ZSWIM6: variants seen among roughly 807,000 people sequenced by gnomAD.
The protein encoded by ZSWIM6 is zinc finger SWIM domain-containing protein 6.
A neutral mutation model predicts 113.2 loss-of-function variants in ZSWIM6; 9 were observed. The observed-to-expected ratio is 0.08, with a 90% CI of 0.05 to 0.14. ZSWIM6 has a LOEUF of 0.14. Among genes scored for constraint, ZSWIM6 ranks in the 10% least tolerant of loss-of-function variants. The pLI, the probability that ZSWIM6 is intolerant of heterozygous loss-of-function variation, is 1.00. For missense variants in ZSWIM6, 1,162 were observed against 1,552.2 expected, an observed-to-expected ratio of 0.75 and a Z score of 4.22; for synonymous variants, 611 against 606.5, an observed-to-expected ratio of 1.01 and a Z score of -0.11.
chr5:61,407,203 A>G (rs1746061729), intron 1 of ZSWIM6, among the ~76,000 whole-genome samples: 3 of 152,356 alleles, frequency 2.0e-5, no homozygotes, highest in East Asian at 1.9e-4. Flanking sequence ...TTACATAAGA[A>G]AAATTATTGA....
At chr5:61,461,731 A>C (rs1239273926) in intron 1 of ZSWIM6, among the ~76,000 whole-genome samples, 1 of 152,162 alleles carries the variant, frequency 6.6e-6, no homozygotes, top group Non-Finnish European at 1.5e-5. Context: ...GAACAGTGAA[A>C]GCAGTTTTTT....
intron 1 of ZSWIM6, among the ~76,000 whole-genome samples, chr5:61,368,962 T>C (rs1745212972): frequency 6.6e-6 from 1 of 152,234 alleles, no homozygotes; most frequent in Admixed American, 6.5e-5. Context: ...AAGGCTTCTT[T>C]GAATATGAAG....
chr5:61,394,318 A>G (rs954108526), intron 1 of ZSWIM6, among the ~76,000 whole-genome samples: 10 of 152,288 alleles, frequency 6.6e-5, no homozygotes, highest in African/African-American at 2.2e-4. Flanking sequence ...GTCTCTGGGC[A>G]TGTGCCCTGG....
At chr5:61,382,938 A>T (rs1467301563) in intron 1 of ZSWIM6, among the ~76,000 whole-genome samples, 1 of 152,252 alleles carries the variant, frequency 6.6e-6, no homozygotes, top group Non-Finnish European at 1.5e-5. Context: ...AAGTCAGAGA[A>T]CATAGGATGC....
intron 1 of ZSWIM6, among the ~76,000 whole-genome samples, chr5:61,406,569 G>A (rs1746047263): frequency 6.6e-6 from 1 of 152,044 alleles, no homozygotes. Context: ...ATTTTATGAA[G>A]TCTCTGAAGA....
intron 1 of ZSWIM6, among the ~76,000 whole-genome samples, chr5:61,348,469 C>T (rs1744713742): frequency 6.6e-6 from 1 of 152,010 alleles, no homozygotes; most frequent in African/African-American, 2.4e-5. Context: ...AGATTTTCCC[C>T]CTTCATACTT....
intron 1 of ZSWIM6, 61 bp downstream of exon 1, chr5:61,333,009 G>GGGGCC: frequency 9.1e-6 from 4 of 439,842 alleles, no homozygotes; most frequent in Non-Finnish European, 1.3e-5. Flanking sequence ...TGGGGGGGGG[G>GGGGCC]TGCCCGCCTT....
chr5:61,520,719 G>A (rs1749093158), intron 4 of ZSWIM6, among the ~76,000 whole-genome samples: 3 of 151,974 alleles, frequency 2.0e-5, no homozygotes, highest in Admixed American at 1.3e-4. Context: ...GAAATTATAA[G>A]GAGAACAGGA....
At chr5:61,519,352 G>T (rs1401128741) in intron 4 of ZSWIM6, among the ~76,000 whole-genome samples, 1 of 152,078 alleles carries the variant, frequency 6.6e-6, no homozygotes, top group Non-Finnish European at 1.5e-5. Flanking sequence ...AGCTCAATAA[G>T]CGTTCTCAAG....
At chr5:61,488,840 T>G (rs1256994174) in intron 2 of ZSWIM6, among the ~76,000 whole-genome samples, 1 of 151,874 alleles carries the variant, frequency 6.6e-6, no homozygotes, top group Non-Finnish European at 1.5e-5. Flanking sequence ...GCATGGAGAG[T>G]CTCCACATTC....
intron 1 of ZSWIM6, among the ~76,000 whole-genome samples, chr5:61,355,901 T>G (rs937639436): frequency 3.9e-5 from 6 of 152,234 alleles, no homozygotes; most frequent in African/African-American, 1.4e-4. Flanking sequence ...ACTAGGAAAT[T>G]TAAAATTACA....
intron 4 of ZSWIM6, among the ~76,000 whole-genome samples, chr5:61,519,624 T>G (rs1378150600): frequency 6.6e-6 from 1 of 152,156 alleles, no homozygotes; most frequent in Non-Finnish European, 1.5e-5. Context: ...CTAGCCATGT[T>G]GTGTTTTTAA....
At chr5:61,519,175 G>A (rs1027482533) in intron 4 of ZSWIM6, among the ~76,000 whole-genome samples, 1 of 152,102 alleles carries the variant, frequency 6.6e-6, no homozygotes, top group African/African-American at 2.4e-5. Context: ...CCCTCCATTG[G>A]GTGATAGTTC....
At chr5:61,381,617 CAT>C (rs1364322974) in intron 1 of ZSWIM6, among the ~76,000 whole-genome samples, 1 of 152,168 alleles carries the variant, frequency 6.6e-6, no homozygotes, top group African/African-American at 2.4e-5. Context: ...TGTTCTGTGA[CAT>C]GTGGCTACTT....
chr5:61,337,279 C>T (rs1744421170), intron 1 of ZSWIM6, among the ~76,000 whole-genome samples: 1 of 147,514 alleles, frequency 6.8e-6, no homozygotes, highest in Non-Finnish European at 1.5e-5. Context: ...ATTCCGTCTC[C>T]CCCCCCAAAA....
chr5:61,494,353 T>A lies in ZSWIM6; in HGVS notation c.1276T>A (p.Trp426Arg), dbSNP rs767463992. Residue 426 changes from tryptophan to arginine, a missense_variant, in exon 4 of 14, where the codon TGG (tryptophan) becomes AGG (arginine). Physicochemically the swap from Trp to Arg is moderately radical, Grantham distance 101 (BLOSUM62 -3). Transcript: ENST00000252744. ...CATGGCTGACCCTCGCCTGTCACTT[T>A]GGCGGCAACAAGGCACTGCAATGAC... The part of the protein sequence containing the change: ...QFMADPRLSL[W>R]RQQGTAMTDK... 14 of 1,551,054 alleles carry A rather than the reference T, an allele frequency of 9.0e-6. No homozygotes were observed. The South Asian group carries it at 1.7e-4, about 18-fold the overall frequency.
At chr5:61,421,723 A>G (rs1446191688) in intron 1 of ZSWIM6, among the ~76,000 whole-genome samples, 1 of 152,158 alleles carries the variant, frequency 6.6e-6, no homozygotes, top group East Asian at 1.9e-4. Flanking sequence ...AAGTGAGAAC[A>G]TGTTTTATTT....
chr5:61,406,714 A>G (rs1235212223), intron 1 of ZSWIM6, among the ~76,000 whole-genome samples: 2 of 150,994 alleles, frequency 1.3e-5, no homozygotes, highest in Non-Finnish European at 3.0e-5. Context: ...TTATTTATTT[A>G]TTTATTTATT....
chr5:61,407,942 G>A (rs1188030612), intron 1 of ZSWIM6, among the ~76,000 whole-genome samples: 2 of 152,132 alleles, frequency 1.3e-5, no homozygotes, highest in African/African-American at 4.8e-5. Context: ...ACAGTTTGCT[G>A]TTACCTCTCA....
Sources: allele counts gnomAD v4.1 joint callset (sites outside exome capture counted in the v4.1 genomes callset), GRCh38; gene constraint gnomAD v4.1.1; transcripts MANE v1.5; gene names NCBI Gene and HGNC (gene_info 2026-07-23, HGNC 2026-07-21).